Variants in RAB38 observed in about 807,000 individuals in gnomAD.
RAB38 encodes the protein ras-related protein Rab-38.
A neutral mutation model predicts 18.4 loss-of-function variants in RAB38; 15 were observed. That is an observed-to-expected ratio of 0.82 (90% confidence interval 0.55 to 1.26). The LOEUF (loss-of-function observed/expected upper bound fraction) is 1.26, where lower values mean the gene tolerates loss of function less well. Ranked by LOEUF, RAB38 falls within the 50% of genes most tolerant of loss-of-function variation. The pLI is 0.00. For synonymous variants in RAB38, 101 were observed against 104.4 expected (o/e 0.97, Z 0.20); for missense variants, 294 against 267.4 (o/e 1.10, Z -0.69).
the RAB38 span, among the ~76,000 whole-genome samples, chr11:87,948,711 T>G: frequency 6.9e-6 from 1 of 145,740 alleles, no homozygotes; most frequent in Admixed American, 6.9e-5. Context: ...TTGCGTATAT[T>G]GAACCAGCCT....
the RAB38 span, among the ~76,000 whole-genome samples, chr11:88,004,438 A>G: frequency 2.6e-5 from 4 of 151,238 alleles, no homozygotes; most frequent in African/African-American, 4.8e-5. Context: ...ATTCTATCAA[A>G]AACTATCAGA....
the RAB38 span, among the ~76,000 whole-genome samples, chr11:87,852,209 G>C: frequency 1.3e-5 from 2 of 152,086 alleles, no homozygotes; most frequent in Non-Finnish European, 2.9e-5. Context: ...CTACTTCAGG[G>C]AAAGGTCAGA....
At chr11:87,834,732 GT>G in the RAB38 span, among the ~76,000 whole-genome samples, 1 of 152,154 alleles carries the variant, frequency 6.6e-6, no homozygotes, top group Non-Finnish European at 1.5e-5. Context: ...CAGGTCCTGA[GT>G]TTAGAACATG....
At chr11:88,174,420 A>G (rs1427311352) in intron 1 of RAB38, among the ~76,000 whole-genome samples, 2 of 152,164 alleles carry the variant, frequency 1.3e-5, no homozygotes, top group African/African-American at 4.8e-5. Context: ...AGATCTCTCA[A>G]TGAAAACTTT....
the RAB38 span, among the ~76,000 whole-genome samples, chr11:88,065,142 A>G: frequency 1.3e-3 from 191 of 152,324 alleles, 1 homozygote; most frequent in East Asian, 0.021. Flanking sequence ...ATGAAGGGAA[A>G]GCTTGGTGTT....
chr11:87,954,582 C>A, the RAB38 span, among the ~76,000 whole-genome samples: 2 of 151,894 alleles, frequency 1.3e-5, no homozygotes, highest in East Asian at 3.9e-4. Context: ...CTTATCTGAA[C>A]AATTTTTCCT....
the RAB38 span, among the ~76,000 whole-genome samples, chr11:88,092,411 A>G: frequency 0.05 from 3,094 of 62,160 alleles, 939 homozygotes; most frequent in Admixed American, 0.1. Flanking sequence ...AGAGAGAGAG[A>G]GAGAGAGAGA....
chr11:88,103,559 T>C, the RAB38 span, among the ~76,000 whole-genome samples: 1 of 152,140 alleles, frequency 6.6e-6, no homozygotes, highest in South Asian at 2.1e-4. Context: ...AGTAGCTTTA[T>C]AGAGTCACCT....
the RAB38 span, among the ~76,000 whole-genome samples, chr11:87,967,873 G>C: frequency 6.6e-6 from 1 of 152,132 alleles, no homozygotes; most frequent in African/African-American, 2.4e-5. Flanking sequence ...AATGCCCTGC[G>C]GTGGGTAGGA....
chr11:88,010,879 A>G, the RAB38 span, among the ~76,000 whole-genome samples: 1 of 152,070 alleles, frequency 6.6e-6, no homozygotes, highest in Non-Finnish European at 1.5e-5. Context: ...CTTCAGTATC[A>G]TCCCTTCCCA....
rs542840160 is a variant in RAB38, at chr11:88,119,593, C to T, written c.484-5453G>A. Among the ~76,000 whole-genome samples, 19 of 151,070 alleles carry T rather than the reference C, an allele frequency of 1.3e-4. No individual in the cohort carries two copies. The South Asian group carries it at 3.8e-3, about 30-fold the overall frequency. On this transcript the variant is annotated intron_variant, in intron 2 of 2. Transcript: ENST00000243662. ...ACCATCAGAGGTCCTGGTTACTTGT[C>T]AGTTTTTTAATTAGCTCTTCAGAAC... is the stretch of plus-strand genomic sequence containing the variant.
chr11:88,166,118 A>G (rs1943240488), intron 1 of RAB38: 1 of 152,296 alleles, frequency 6.6e-6, no homozygotes, highest in African/African-American at 2.4e-5. Context: ...GGCAAGCAGG[A>G]GCAAAGGCTC....
chr11:87,827,878 G>A, the RAB38 span, among the ~76,000 whole-genome samples: 1 of 152,142 alleles, frequency 6.6e-6, no homozygotes, highest in Non-Finnish European at 1.5e-5. Context: ...GATTTCTAGA[G>A]GGAAAAAGAT....
At chr11:87,907,830 T>C in the RAB38 span, among the ~76,000 whole-genome samples, 10 of 151,858 alleles carry the variant, frequency 6.6e-5, no homozygotes, top group Non-Finnish European at 1.3e-4. Context: ...ATTTCTCTTT[T>C]GCTATAATCC....
chr11:88,163,491 T>C (rs745719939), intron 1 of RAB38, among the ~76,000 whole-genome samples: 2 of 152,128 alleles, frequency 1.3e-5, no homozygotes, highest in African/African-American at 2.4e-5. Context: ...ATTTCCTTAG[T>C]TCCCCCATAA....
At chr11:87,811,481 C>T in the RAB38 span, among the ~76,000 whole-genome samples, 1 of 152,174 alleles carries the variant, frequency 6.6e-6, no homozygotes, top group East Asian at 1.9e-4. Flanking sequence ...CTTACCTCTT[C>T]AGGCCTGATT....
the RAB38 span, among the ~76,000 whole-genome samples, chr11:87,824,393 A>T: frequency 6.6e-6 from 1 of 152,210 alleles, no homozygotes; most frequent in African/African-American, 2.4e-5. Flanking sequence ...TCTAAATCTA[A>T]ATCAATGATC....
the RAB38 span, among the ~76,000 whole-genome samples, chr11:87,955,346 A>T: frequency 6.6e-6 from 1 of 152,176 alleles, no homozygotes; most frequent in Non-Finnish European, 1.5e-5. Context: ...TAAGTCAACA[A>T]TGGACACTGG....
the RAB38 span, among the ~76,000 whole-genome samples, chr11:88,107,545 A>C: frequency 1.2e-5 from 1 of 85,616 alleles, no homozygotes; most frequent in East Asian, 3.4e-4. Context: ...TGTTAAGAAA[A>C]TTGTTAATCT....
Sources: allele counts gnomAD v4.1 joint callset (sites outside exome capture counted in the v4.1 genomes callset), GRCh38; gene constraint gnomAD v4.1.1; transcripts MANE v1.5; gene names NCBI Gene and HGNC (gene_info 2026-07-23, HGNC 2026-07-21).